Variants in CIT observed in about 807,000 individuals in gnomAD.
CIT encodes citron rho-interacting serine/threonine kinase, also known as citron Rho-interacting kinase.
In CIT, 79 loss-of-function variants were observed where a neutral mutation model predicts 272.7. That is an observed-to-expected ratio of 0.29 (90% CI 0.24 to 0.35). The LOEUF is 0.35. CIT is among the 10% of genes least tolerant of loss of function. The probability of loss-of-function intolerance (pLI) is 1.00; values close to 1 mark genes in which losing one functional copy is unlikely to be tolerated. For missense variants in CIT, 1,909 were observed against 2,618.3 expected, an observed-to-expected ratio of 0.73 and a Z score of 5.91; for synonymous variants, 948 against 995.6, an observed-to-expected ratio of 0.95 and a Z score of 0.90.
chr12:119,855,197 C>G (rs1000671869), intron 4 of CIT, among the ~76,000 whole-genome samples: 1 of 151,892 alleles, frequency 6.6e-6, no homozygotes, highest in African/African-American at 2.4e-5. Context: ...CCGAGGTGGG[C>G]GAATCATGAG....
Position 119,713,503 on chromosome 12 carries a change from G to C in CIT, c.4452C>G (p.Ser1484Arg). Residue 1484 changes from serine (S) to arginine (R), a missense_variant, in exon 34 of 48, where the codon AGC becomes AGG. Ser to Arg is a moderately radical substitution (Grantham distance 110). Transcript: ENST00000392521. The surrounding 1 kb of genome is among the most constrained non-coding windows in gnomAD (Gnocchi z 5.2). ...TCATCCACCCTTCCAGGTGCAAGCTGCTGCTGGGCTCCTTGGTCTGGAGAC... is the reference window on the plus strand; with the variant it reads ...TCATCCACCCTTCCAGGTGCAAGCTCCTGCTGGGCTCCTTGGTCTGGAGAC... ...SPGLQTKEPS[S>R]SLHLEGWMKV... 3 of 1,614,208 alleles carry C rather than the reference G, an allele frequency of 1.9e-6. No individual in the cohort carries two copies. The highest frequency in any genetic ancestry group is 2.5e-6 in the Non-Finnish European group (3 of 1,180,038).
intron 3 of CIT, among the ~76,000 whole-genome samples, chr12:119,862,820 AAAAAAAAAAAAAAAAAAAAAG>A (rs1950386208): frequency 7.6e-6 from 1 of 131,824 alleles, no homozygotes; most frequent in Admixed American, 7.5e-5. Flanking sequence ...AAAAAAAAAA[AAAAAAAAAAAAAAAAAAAAAG>A]AAAAAACCAA....
intron 5 of CIT, among the ~76,000 whole-genome samples, chr12:119,839,724 G>A (rs976581984): frequency 2.0e-5 from 3 of 152,086 alleles, no homozygotes; most frequent in East Asian, 1.9e-4. Flanking sequence ...GACAGGACAC[G>A]CAAAACAGGG....
At chr12:119,825,540 T>TAAAA (rs11286691) in intron 7 of CIT, among the ~76,000 whole-genome samples, 172 bp from the exon 8 acceptor site, 1 of 144,368 alleles carries the variant, frequency 6.9e-6, no homozygotes. Flanking sequence ...TTTACTAATT[T>TAAAA]AAAAAAAAAA....
At chr12:119,701,786 G>C (rs769872098) in intron 42 of CIT, 34 bp from the exon 43 acceptor site, 5 of 1,614,260 alleles carry the variant, frequency 3.1e-6, no homozygotes, top group Non-Finnish European at 4.2e-6. Flanking sequence ...GGCTTCAGGA[G>C]TGAGTTCTGA....
At chr12:119,801,201 T>C (rs1966165382) in intron 10 of CIT, among the ~76,000 whole-genome samples, 1 of 152,190 alleles carries the variant, frequency 6.6e-6, no homozygotes, top group African/African-American at 2.4e-5. Context: ...TCTAAGGATA[T>C]AGTTTAAACT....
chr12:119,771,358 G>C (rs534572657), intron 17 of CIT, among the ~76,000 whole-genome samples: 8 of 152,190 alleles, frequency 5.3e-5, no homozygotes, highest in East Asian at 3.9e-4. Flanking sequence ...AGCTCTGGAG[G>C]GGGGTGGTAT....
chr12:119,709,898 A>C (rs1033838602), intron 39 of CIT, among the ~76,000 whole-genome samples: 1 of 151,772 alleles, frequency 6.6e-6, no homozygotes, highest in African/African-American at 2.4e-5. Context: ...GAGAGAGATC[A>C]CAGAGTTAAC....
chr12:119,777,414 G>A (rs1260701952), intron 13 of CIT, among the ~76,000 whole-genome samples: 2 of 151,958 alleles, frequency 1.3e-5, no homozygotes, highest in African/African-American at 2.4e-5. Context: ...GCTCATGCCT[G>A]TAATCCCAGA....
At chr12:119,731,701 C>T (rs1324250702) in intron 26 of CIT, among the ~76,000 whole-genome samples, 1 of 151,562 alleles carries the variant, frequency 6.6e-6, no homozygotes, top group Admixed American at 6.6e-5. Context: ...CTTACTCAGC[C>T]TTCAAGGATA....
chr12:119,722,140 A>T (rs1957838315), intron 28 of CIT, among the ~76,000 whole-genome samples: 1 of 152,234 alleles, frequency 6.6e-6, no homozygotes, highest in South Asian at 2.1e-4. Flanking sequence ...ATGGAAGTTA[A>T]CCAGAAAATA....
At chr12:119,688,328 A>T in intron 47 of CIT, 73 bp from the exon 48 acceptor site, 1 of 1,447,304 alleles carries the variant, frequency 6.9e-7, no homozygotes, top group Admixed American at 1.7e-5. Flanking sequence ...CATGATGCAA[A>T]TGGGAATCTG....
intron 23 of CIT, among the ~76,000 whole-genome samples, chr12:119,743,447 A>G (rs918250706): frequency 1.3e-5 from 2 of 152,200 alleles, no homozygotes; most frequent in Non-Finnish European, 1.5e-5. Context: ...AACCAAAAAA[A>G]CTGAGTGGCT....
At chr12:119,756,574 G>A (rs536266362) in intron 22 of CIT, among the ~76,000 whole-genome samples, 1 of 152,200 alleles carries the variant, frequency 6.6e-6, no homozygotes, top group African/African-American at 2.4e-5. Context: ...GGTGGAAGGT[G>A]GGGGGAGGGG....
chr12:119,751,891 G>A (rs778343006), intron 23 of CIT, among the ~76,000 whole-genome samples, 159 bp downstream of exon 23: 1 of 152,188 alleles, frequency 6.6e-6, no homozygotes, highest in African/African-American at 2.4e-5. Flanking sequence ...CAATGAAGCA[G>A]CAGCCTATGT....
rs375657575 is a variant in CIT, at chr12:119,832,467, A to T, written c.753+304T>A. Reference sequence around the variant, plus strand: ...AATATTTTAAAGTAAAAAAGATAATATAACAAAAGACAGTCTATAACAGGC... The same window carrying T: ...AATATTTTAAAGTAAAAAAGATAATTTAACAAAAGACAGTCTATAACAGGC... On this transcript the variant is annotated intron_variant, in intron 7 of 47. Transcript: ENST00000392521. Among the ~76,000 whole-genome samples the T allele has an allele frequency of 3.9e-5, 6 of 152,264 alleles. No homozygotes were observed. The East Asian group carries it at 9.6e-4, about 24-fold the overall frequency.
Position 119,866,582 on chromosome 12 carries a change from G to A in CIT, c.238+2478C>T, listed in dbSNP as rs151217116. Among the ~76,000 whole-genome samples, 319 of 152,280 alleles carry A rather than the reference G, an allele frequency of 2.1e-3. 2 individuals carry two copies. Among genetic ancestry groups the A allele is most frequent in the African/African-American group, 7.2e-3 (301 of 41,556 alleles). On this transcript the variant is annotated intron_variant, in intron 3 of 47. Coordinates refer to ENST00000392521, the MANE Select transcript of CIT (RefSeq NM_001206999.2). The stretch of plus-strand genomic sequence containing the variant: ...GCCTGTAATCCAAGCATTTTGGGAG[G>A]CCAAGGTGGGAGGATTTCTTGAGGC...
At chr12:119,833,665 A>AAAG (rs1968800932) in intron 6 of CIT, among the ~76,000 whole-genome samples, 1 of 24,610 alleles carries the variant, frequency 4.1e-5, no homozygotes, top group African/African-American at 9.1e-5. Flanking sequence ...CTCTGTCTCA[A>AAAG]AAAAAAAAAA....
chr12:119,784,003 C>T lies in CIT; in HGVS notation c.1450G>A (p.Ala484Thr). The change falls in exon 12 of 48, where the codon GCT becomes ACT. Residue 484 changes from alanine to threonine, a missense_variant. Coordinates refer to ENST00000392521, the MANE Select transcript of CIT (RefSeq NM_001206999.2). The surrounding 1 kb of genome is among the most constrained non-coding windows in gnomAD (Gnocchi z 4.7). ...TCCACCTCCTTCTGACTAAGCACAG[C>T]CTCCACCTCTGACACTCTCCGATGT... The part of the protein sequence containing the change: ...RLHRRVSEVE[A>T]VLSQKEVELK... 1 of 1,613,470 alleles carries T rather than the reference C, an allele frequency of 6.2e-7. No homozygotes were observed. Among genetic ancestry groups the T allele is most frequent in the Non-Finnish European group, 8.5e-7 (1 of 1,179,680 alleles).
Sources: allele counts gnomAD v4.1 joint callset (sites outside exome capture counted in the v4.1 genomes callset), GRCh38; gene constraint gnomAD v4.1.1; non-coding constraint Gnocchi (gnomAD v3.1); transcripts MANE v1.5; gene names NCBI Gene and HGNC (gene_info 2026-07-23, HGNC 2026-07-21).